PSG9: variants seen among roughly 807,000 people sequenced by gnomAD.
The protein encoded by PSG9 is pregnancy specific beta-1-glycoprotein 9.
In PSG9, 49 loss-of-function variants were observed where a neutral mutation model predicts 41.9. That is an observed-to-expected ratio of 1.17 (90% CI 0.93 to 1.48). PSG9 has a LOEUF of 1.48. Among genes scored for constraint, PSG9 ranks in the 40% most tolerant of loss-of-function variants. The pLI is 0.00. For synonymous variants in PSG9, 263 were observed against 196.8 expected (o/e 1.34, Z -2.82); for missense variants, 641 against 520.3 (o/e 1.23, Z -2.26).
chr19:43,258,663 G>A lies in PSG9; in HGVS notation c.988+194C>T, dbSNP rs1371608027. On this transcript the variant is annotated intron_variant, in intron 4 of 5. Transcript: ENST00000270077. ...GGGCCCCAAGTCTCCCATGACAAGA[G>A]CATCCACTCCCCTTATATTCTTGGT... Among the ~76,000 whole-genome samples the A allele has an allele frequency of 2.7e-5, 4 of 146,016 alleles. 2 individuals carry two copies. The highest frequency in any genetic ancestry group is 1.0e-4 in the African/African-American group (4 of 38,358).
intron 2 of PSG9, among the ~76,000 whole-genome samples, chr19:43,262,893 TC>T (rs1968793332): frequency 1.3e-5 from 2 of 152,210 alleles, no homozygotes; most frequent in South Asian, 4.1e-4. Context: ...GATGCTCCCT[TC>T]CCCCTGTAGA....
intron 3 of PSG9, chr19:43,260,874 C>A (rs951578306): frequency 6.6e-6 from 1 of 152,080 alleles, no homozygotes; most frequent in African/African-American, 2.4e-5. Context: ...TCTTTAATTT[C>A]TTTCAGCAAT....
At chr19:43,261,520 C>A (rs952494938) in intron 3 of PSG9, among the ~76,000 whole-genome samples, 1 of 152,126 alleles carries the variant, frequency 6.6e-6, no homozygotes, top group African/African-American at 2.4e-5. Flanking sequence ...AAATCCTGGT[C>A]TGTGGAAGGG....
chr19:43,263,065 C>G (rs1337458173), intron 2 of PSG9, among the ~76,000 whole-genome samples: 1 of 152,136 alleles, frequency 6.6e-6, no homozygotes, highest in Non-Finnish European at 1.5e-5. Flanking sequence ...GGGAAGAAGT[C>G]TTGCAGATAC....
chr19:43,264,114 A>G (rs1197577951), intron 2 of PSG9, among the ~76,000 whole-genome samples: 1 of 152,046 alleles, frequency 6.6e-6, no homozygotes, highest in South Asian at 2.1e-4. Flanking sequence ...TGAAAATGGC[A>G]TCATCATGAG....
Position 43,269,510 on chromosome 19 carries a change from T to C in PSG9, c.-79A>G. ...GCTGTCTGAGCACGGCTGTCAGCTG[T>C]GCTGTCCTTCCTCCTTCTGTGCTGA... On this transcript the variant is annotated 5_prime_UTR_variant, in exon 1 of 6. Coordinates refer to ENST00000270077, the MANE Select transcript of PSG9 (RefSeq NM_002784.5). 6.3e-7 allele frequency: 1 copy of C among 1,587,048 alleles called. No homozygotes were observed. The highest frequency in any genetic ancestry group is 8.6e-7 in the Non-Finnish European group (1 of 1,160,356).
At position 43,261,855 on chromosome 19, in the gene PSG9, C is replaced by T; in HGVS notation, c.709+5G>A. 6.2e-7 allele frequency: 1 copy of T among 1,614,042 alleles called. No homozygotes were observed. Among genetic ancestry groups the T allele is most frequent in the Non-Finnish European group, 8.5e-7 (1 of 1,179,920 alleles). ...CTGGCTCACAGAGGAACAGAAGATA[C>T]TCACGGAGGAGATTCAGGGTGACTG... On this transcript the variant is annotated splice_donor_5th_base_variant and intron_variant, in intron 3 of 5. Coordinates refer to ENST00000270077, the MANE Select transcript of PSG9 (RefSeq NM_002784.5).
intron 5 of PSG9, chr19:43,257,448 T>A: frequency 1.0e-6 from 1 of 977,440 alleles, no homozygotes; most frequent in Non-Finnish European, 1.2e-6. Flanking sequence ...TTCCTCCAGC[T>A]CTGCATCAGT....
At chr19:43,265,529 C>G (rs1568419042) in intron 2 of PSG9, among the ~76,000 whole-genome samples, 1 of 152,098 alleles carries the variant, frequency 6.6e-6, no homozygotes, top group Non-Finnish European at 1.5e-5. Context: ...ATTCCATCAC[C>G]AAACAATCAG....
chr19:43,262,234 C>T (rs1968759471), intron 2 of PSG9, 96 bp from the exon 3 acceptor site: 3 of 1,532,666 alleles, frequency 2.0e-6, no homozygotes, highest in Non-Finnish European at 2.6e-6. Flanking sequence ...ACCTCTCAGC[C>T]CAACCCAGTC....
rs749309854 is a variant in PSG9 at position 43,261,947 on chromosome 19, T to C, written c.622A>G (p.Thr208Ala). The change falls in exon 3 of 6, where the codon ACA becomes GCA. Residue 208 changes from threonine to alanine, a missense_variant. Thr to Ala is a moderately conservative substitution (Grantham distance 58). Transcript: ENST00000270077. ...TCATAGGGTCCTGCAATATACTTTG[T>C]GACACCAAATAGATAGAGGGTCCTG... ...TNRTLYLFGVTKYIAGPYECE... is the reference protein window; with the variant it reads ...TNRTLYLFGVAKYIAGPYECE... 4 of 1,613,946 alleles carry C rather than the reference T, an allele frequency of 2.5e-6. No individual in the cohort carries two copies. In the East Asian group the frequency reaches 8.9e-5, roughly 36 times the overall value.
intron 5 of PSG9, among the ~76,000 whole-genome samples, chr19:43,255,118 A>G (rs1968400509): frequency 1.2e-5 from 1 of 81,814 alleles, no homozygotes; most frequent in South Asian, 6.8e-4. Context: ...AAAAAAAAAA[A>G]AAGAAAGAAA....
chr19:43,256,040 C>T (rs949365369), intron 5 of PSG9, among the ~76,000 whole-genome samples: 1 of 146,506 alleles, frequency 6.8e-6, no homozygotes, highest in African/African-American at 2.6e-5. Flanking sequence ...TCTAAATAGA[C>T]ACACAGCTTT....
In PSG9 at chr19:43,269,480, C is replaced by T. The variant is rs1202056305; in HGVS notation, c.-49G>A. The T allele has an allele frequency of 6.2e-7, 1 of 1,608,686 alleles. No homozygotes were observed. The highest frequency in any genetic ancestry group is 2.2e-5 in the East Asian group (1 of 44,690). On this transcript the variant is annotated 5_prime_UTR_variant, in exon 1 of 6. Coordinates refer to ENST00000270077, the MANE Select transcript of PSG9 (RefSeq NM_002784.5). ...CCTCTGTGGAGATGAGCCTGGGATC[C>T]AGAAGCTGTCTGAGCACGGCTGTCA...
chr19:43,259,090 C>A lies in PSG9; in HGVS notation c.755G>T (p.Arg252Met). The change falls in exon 4 of 6, where the codon AGG (arginine) becomes ATG (methionine). Residue 252 changes from arginine (R) to methionine (M), a missense_variant. Transcript: ENST00000270077. ...GAAGGCTAAGACATCCTTATTCTCC[C>A]TGGGGTTTAAGTTGTTGATGGTGAT... is the stretch of plus-strand genomic sequence containing the variant. ...PYITINNLNP[R>M]ENKDVLAFTC... 4 of 1,590,522 alleles carry A rather than the reference C, an allele frequency of 2.5e-6. No homozygotes were observed.
rs548830445 is a variant in PSG9 at position 43,254,383 on chromosome 19, C to T, written c.1244-737G>A. Among the ~76,000 whole-genome samples, 50 of 146,384 alleles carry T rather than the reference C, an allele frequency of 3.4e-4. 7 individuals carry two copies. Among genetic ancestry groups the T allele is most frequent in the African/African-American group, 1.3e-3 (50 of 38,534 alleles). ...GTAATATAGCAGCTGACATTGGTTC[C>T]GCTGTGTGTGGCATATTGTTTCATT... On this transcript the variant is annotated intron_variant, in intron 5 of 5. Coordinates refer to ENST00000270077, the MANE Select transcript of PSG9 (RefSeq NM_002784.5).
chr19:43,255,486 C>T lies in PSG9; in HGVS notation c.1244-1840G>A, dbSNP rs567925071. Among the ~76,000 whole-genome samples the T allele has an allele frequency of 1.6e-4, 24 of 145,858 alleles. 3 individuals carry two copies. The highest frequency in any genetic ancestry group is 5.7e-4 in the African/African-American group (22 of 38,360). ...GCCTGCTTTTGACACTTTTATTCAA[C>T]GTAGTATTGAAAGGTCTAGTCAGAA... On this transcript the variant is annotated intron_variant, in intron 5 of 5. Transcript: ENST00000270077.
chr19:43,256,528 G>A (rs1362588349), intron 5 of PSG9, among the ~76,000 whole-genome samples: 1 of 146,402 alleles, frequency 6.8e-6, no homozygotes, highest in African/African-American at 2.6e-5. Context: ...AATGAACAAA[G>A]GATTAAAATA....
chr19:43,254,343 C>A (rs1181622130), intron 5 of PSG9, among the ~76,000 whole-genome samples: 5 of 146,382 alleles, frequency 3.4e-5, no homozygotes, highest in African/African-American at 1.3e-4. Context: ...GACCTCAAGG[C>A]TAATGATGAT....
Sources: allele counts gnomAD v4.1 joint callset (sites outside exome capture counted in the v4.1 genomes callset), GRCh38; gene constraint gnomAD v4.1.1; transcripts MANE v1.5; gene names NCBI Gene and HGNC (gene_info 2026-07-23, HGNC 2026-07-21).